Variants in PCDHGB1 observed in about 807,000 individuals in gnomAD.
The protein encoded by PCDHGB1 is protocadherin gamma subfamily B, 1.
Under a neutral mutation model 56.6 loss-of-function variants are expected in PCDHGB1, and 34 were observed. The observed-to-expected ratio is 0.60, with a 90% CI of 0.46 to 0.80. PCDHGB1 has a LOEUF of 0.80. Among genes scored for constraint, PCDHGB1 ranks in the 30% least tolerant of loss-of-function variants. The pLI is 0.00. For synonymous variants in PCDHGB1, 561 were observed against 505.9 expected, an observed-to-expected ratio of 1.11 and a Z score of -1.46; for missense variants, 1,278 against 1,204.6, an observed-to-expected ratio of 1.06 and a Z score of -0.90.
chr5:141,422,406 T>C, intron 1 of PCDHGB1: 1 of 1,601,224 alleles, frequency 6.2e-7, no homozygotes, highest in South Asian at 1.1e-5. Context: ...ACCTGCCTTT[T>C]AAATTAGAAA....
chr5:141,510,949 G>C lies in PCDHGB1; in HGVS notation c.2560G>C (p.Ala854Pro), dbSNP rs762789865. The C allele has an allele frequency of 2.2e-5, 36 of 1,614,012 alleles. No homozygotes were observed. The highest frequency in any genetic ancestry group is 3.0e-5 in the Non-Finnish European group (35 of 1,180,020). ...CTGATCTTCCTCTGTCTCTGCAGAA[G>C]CTGCTGATGGGAGCTCCACCCTGGG... ...QAMILASASE[A>P]ADGSSTLGGG... is the part of the protein sequence containing the mutation. The change falls in exon 4 of 4, where the codon GCT (alanine) becomes CCT (proline). Residue 854 changes from alanine (A) to proline (P), a missense_variant and splice_region_variant. Coordinates refer to ENST00000523390, the MANE Select transcript of PCDHGB1 (RefSeq NM_018922.3).
intron 1 of PCDHGB1, among the ~76,000 whole-genome samples, chr5:141,469,568 T>C (rs942597017): frequency 6.6e-6 from 1 of 152,184 alleles, no homozygotes. Flanking sequence ...AGTGAGACTC[T>C]GTCTCTAAAT....
chr5:141,443,172 C>T (rs1454734622), intron 1 of PCDHGB1, among the ~76,000 whole-genome samples: 1 of 152,176 alleles, frequency 6.6e-6, no homozygotes, highest in Non-Finnish European at 1.5e-5. Flanking sequence ...CTACCCATGT[C>T]CACTGCATCA....
intron 2 of PCDHGB1, among the ~76,000 whole-genome samples, chr5:141,495,943 C>T (rs998665622): frequency 3.9e-5 from 6 of 152,010 alleles, no homozygotes; most frequent in African/African-American, 1.4e-4. Flanking sequence ...GTCTCTGTGC[C>T]TGTTGTCTTT....
intron 1 of PCDHGB1, among the ~76,000 whole-genome samples, chr5:141,363,030 AT>A (rs749692043): frequency 2.6e-5 from 4 of 152,260 alleles, no homozygotes; most frequent in Non-Finnish European, 4.4e-5. Context: ...ACATTGTCCC[AT>A]TGACTTGAAG....
intron 1 of PCDHGB1, chr5:141,410,115 C>G (rs1361621262): frequency 6.2e-7 from 1 of 1,612,624 alleles, no homozygotes; most frequent in African/African-American, 1.3e-5. Flanking sequence ...AGGGACGCAG[C>G]CCGCCAGCGC....
At chr5:141,479,936 T>C (rs532302710) in intron 1 of PCDHGB1, among the ~76,000 whole-genome samples, 97 of 152,340 alleles carry the variant, frequency 6.4e-4, no homozygotes, top group African/African-American at 2.2e-3. Flanking sequence ...ATCATTGCTA[T>C]CAACTCTTGG....
In PCDHGB1 at chr5:141,454,796, A is replaced by ATTTTTTTTTTTTTTTTTTTTT. The variant is rs61612330; in HGVS notation, c.2410-40002_2410-39982dup. Reference sequence around the variant, plus strand: ...AAGGAAATAATCCTCCATGGTTCTAATTTTTTTTTTTTTTTTTTTTTTTTT... The same window carrying ATTTTTTTTTTTTTTTTTTTTT: ...AAGGAAATAATCCTCCATGGTTCTAATTTTTTTTTTTTTTTTTTTTTTTTTTTTTTTTTTTTTTTTTTTTTT... On this transcript the variant is annotated intron_variant, in intron 1 of 3. Transcript: ENST00000523390. Among the ~76,000 whole-genome samples, 10 of 77,454 alleles carry ATTTTTTTTTTTTTTTTTTTTT rather than the reference A, an allele frequency of 1.3e-4. 1 individual carries two copies. Among genetic ancestry groups the ATTTTTTTTTTTTTTTTTTTTT allele is most frequent in the Non-Finnish European group, 1.9e-4 (8 of 42,810 alleles). The allele number at this position is 77,454 out of a possible 152,430, so 50.8% of individuals were successfully genotyped here. A position where few individuals can be genotyped will look rare whatever the true frequency, so the allele number is the denominator to read the frequency against.
At chr5:141,423,977 G>A in intron 1 of PCDHGB1, 4 of 1,121,548 alleles carry the variant, frequency 3.6e-6, no homozygotes, top group Non-Finnish European at 4.4e-6. Context: ...ATCAGTGTAT[G>A]AGGCTCTCAA....
intron 1 of PCDHGB1, among the ~76,000 whole-genome samples, chr5:141,452,909 T>C (rs1408054133): frequency 6.6e-6 from 1 of 152,232 alleles, no homozygotes; most frequent in Non-Finnish European, 1.5e-5. Flanking sequence ...GTTGGCATTA[T>C]ACAGTAAGAA....
intron 1 of PCDHGB1, chr5:141,410,268 A>C: frequency 6.2e-7 from 1 of 1,613,994 alleles, no homozygotes. Context: ...GCTGAACTGC[A>C]GTTTTACCTG....
intron 1 of PCDHGB1, chr5:141,404,186 C>T (rs767632448): frequency 3.1e-6 from 5 of 1,613,084 alleles, no homozygotes; most frequent in Non-Finnish European, 4.2e-6. Flanking sequence ...AATTCTTGAC[C>T]GAGAAAAAGC....
At chr5:141,370,410 G>A in intron 1 of PCDHGB1, 1 of 1,565,394 alleles carries the variant, frequency 6.4e-7, no homozygotes. Flanking sequence ...AAATAGCTCC[G>A]GATGGAGGGG....
intron 1 of PCDHGB1, chr5:141,405,537 A>G (rs2094682119): frequency 3.1e-6 from 2 of 643,630 alleles, no homozygotes; most frequent in Middle Eastern, 4.2e-4. Context: ...CTCCTGCCTC[A>G]GCCTCCCAAG....
intron 1 of PCDHGB1, chr5:141,384,258 C>T: frequency 6.2e-7 from 1 of 1,613,896 alleles, no homozygotes; most frequent in Non-Finnish European, 8.5e-7. Flanking sequence ...CCACCTTCCC[C>T]CACTCATCCT....
At chr5:141,484,589 C>T (rs2154580160) in intron 1 of PCDHGB1, among the ~76,000 whole-genome samples, 1 of 152,074 alleles carries the variant, frequency 6.6e-6, no homozygotes, top group African/African-American at 2.4e-5. Context: ...GGAAGCTACT[C>T]ATTTAGAATA....
intron 1 of PCDHGB1, chr5:141,355,445 G>T (rs1309523681): frequency 1.2e-6 from 2 of 1,614,106 alleles, no homozygotes; most frequent in East Asian, 2.2e-5. Flanking sequence ...CCGCGCAGCG[G>T]CACCTTGGTC....
In PCDHGB1 at chr5:141,476,691, A is replaced by G; in HGVS notation, c.2410-18116A>G. 6.2e-7 allele frequency: 1 copy of G among 1,614,224 alleles called. No individual in the cohort carries two copies. Among genetic ancestry groups the G allele is most frequent in the Non-Finnish European group, 8.5e-7 (1 of 1,180,050 alleles). The stretch of plus-strand genomic sequence containing the variant: ...GTGCAGACGCGGGAGGACAGCACCA[A>G]GTACGCGGAGCTGGTGTTGGAGCGC... On this transcript the variant is annotated intron_variant, in intron 1 of 3. Transcript: ENST00000523390. This position sits in a 1 kb window ranked among gnomAD's most constrained non-coding sequence, Gnocchi z 7.6.
intron 2 of PCDHGB1, among the ~76,000 whole-genome samples, chr5:141,502,705 T>C (rs1475675789): frequency 6.6e-6 from 1 of 152,248 alleles, no homozygotes; most frequent in African/African-American, 2.4e-5. Context: ...TATCTGTTTT[T>C]ACATCAGTGA....
Sources: allele counts gnomAD v4.1 joint callset (sites outside exome capture counted in the v4.1 genomes callset), GRCh38; gene constraint gnomAD v4.1.1; non-coding constraint Gnocchi (gnomAD v3.1); transcripts MANE v1.5; gene names NCBI Gene and HGNC (gene_info 2026-07-23, HGNC 2026-07-21).